Variants in CTSO observed in about 807,000 individuals in gnomAD.
The protein encoded by CTSO is cathepsin O.
In CTSO, 40 loss-of-function variants were observed where a neutral mutation model predicts 42.4. That is an observed-to-expected ratio of 0.94 (90% CI 0.73 to 1.23). The LOEUF (loss-of-function observed/expected upper bound fraction) is 1.23. CTSO is among the 50% of genes most tolerant of loss of function. The probability of loss-of-function intolerance (pLI) is 0.00; values close to 1 mark genes in which losing one functional copy is unlikely to be tolerated. For synonymous variants in CTSO, 156 were observed against 146.2 expected (o/e 1.07, Z -0.48); for missense variants, 441 against 396.0 (o/e 1.11, Z -0.96).
At chr4:155,928,904 C>T (rs957633032) in intron 6 of CTSO, among the ~76,000 whole-genome samples, 5 of 152,140 alleles carry the variant, frequency 3.3e-5, no homozygotes, top group African/African-American at 7.2e-5. Context: ...CCAAATCCGG[C>T]CATAAACTGG....
chr4:155,940,626 TGAG>T (rs981366649), intron 3 of CTSO, among the ~76,000 whole-genome samples: 3 of 152,100 alleles, frequency 2.0e-5, no homozygotes, highest in African/African-American at 7.2e-5. Context: ...AGGCGGATCA[TGAG>T]GTCAGGAGTT....
At chr4:155,951,841 AAC>A (rs1388403305) in intron 1 of CTSO, among the ~76,000 whole-genome samples, 5 of 152,084 alleles carry the variant, frequency 3.3e-5, no homozygotes, top group East Asian at 1.9e-4. Context: ...TAACTAATCT[AAC>A]TAATTCCTGA....
chr4:155,928,500 T>A (rs1743171778), intron 6 of CTSO, 72 bp from the exon 7 acceptor site: 1 of 1,077,966 alleles, frequency 9.3e-7, no homozygotes, highest in African/African-American at 1.6e-5. Flanking sequence ...TTTCTTTATT[T>A]TAAGTTGGAT....
intron 1 of CTSO, among the ~76,000 whole-genome samples, chr4:155,947,926 A>T (rs915739709): frequency 6.6e-6 from 1 of 152,228 alleles, no homozygotes; most frequent in Non-Finnish European, 1.5e-5. Context: ...TAAAGTTTTG[A>T]TGAATACATA....
At chr4:155,950,209 T>C (rs980808852) in intron 1 of CTSO, among the ~76,000 whole-genome samples, 1 of 152,236 alleles carries the variant, frequency 6.6e-6, no homozygotes, top group African/African-American at 2.4e-5. Flanking sequence ...CTTGGGAGAA[T>C]CTATTTCTCC....
At chr4:155,926,320 A>G (rs1225751664) in intron 7 of CTSO, among the ~76,000 whole-genome samples, 1 of 152,230 alleles carries the variant, frequency 6.6e-6, no homozygotes, top group Non-Finnish European at 1.5e-5. Context: ...TTAAAAATCC[A>G]CAACAAAAAC....
rs1743118838 is a variant in CTSO, at chr4:155,925,779, A to G, written c.*257T>C. 2.3e-6 allele frequency: 1 copy of G among 430,566 alleles called. No individual in the cohort carries two copies. The highest frequency in any genetic ancestry group is 4.1e-6 in the Non-Finnish European group (1 of 246,780). 26.7% of individuals were successfully genotyped at this position (430,566 alleles called of 1,614,324 possible). A position where few individuals can be genotyped will look rare whatever the true frequency, so the allele number is the denominator to read the frequency against. On this transcript the variant is annotated 3_prime_UTR_variant, in exon 8 of 8. Transcript: ENST00000433477. The stretch of plus-strand genomic sequence containing the variant: ...GGGGCCTAAAATATCTCCTAATCTG[A>G]ATTTCGTCTCAGGACAGGAAACTAT...
Position 155,942,458 on chromosome 4 carries a change from T to G in CTSO, c.245-2A>C. On this transcript the variant is annotated splice_acceptor_variant, in intron 2 of 7. Coordinates refer to ENST00000433477, the MANE Select transcript of CTSO (RefSeq NM_001334.3). LOFTEE classifies it high-confidence loss of function. ...AAGGTTTGCTTCTTAAATAAATGGC[T>G]GAGTAGAAACATAAAATGAAAATAC... The G allele has an allele frequency of 6.7e-7, 1 of 1,501,334 alleles. No individual in the cohort carries two copies. The highest frequency in any genetic ancestry group is 8.9e-7 in the Non-Finnish European group (1 of 1,123,346). The allele number at this position is 1,501,334 out of a possible 1,614,324, so 93.0% of individuals were successfully genotyped here. A position where few individuals can be genotyped will look rare whatever the true frequency, so the allele number is the denominator to read the frequency against.
intron 3 of CTSO, among the ~76,000 whole-genome samples, chr4:155,940,114 C>T (rs972033831): frequency 6.6e-6 from 1 of 152,276 alleles, no homozygotes; most frequent in South Asian, 2.1e-4. Context: ...AGTGGATGTA[C>T]ATGAAATGTC....
At chr4:155,945,771 A>G (rs981940360) in intron 1 of CTSO, among the ~76,000 whole-genome samples, 12 of 152,220 alleles carry the variant, frequency 7.9e-5, no homozygotes, top group African/African-American at 2.7e-4. Flanking sequence ...TAGCAAATCA[A>G]ATCTAACAAT....
At chr4:155,939,327 C>T (rs748888269) in intron 4 of CTSO, 44 bp downstream of exon 4, 7 of 1,509,354 alleles carry the variant, frequency 4.6e-6, no homozygotes, top group Non-Finnish European at 5.4e-6. Context: ...AGTAAACAAG[C>T]AAAAAAGGAA....
At chr4:155,927,360 A>T (rs1361912550) in intron 7 of CTSO, among the ~76,000 whole-genome samples, 1 of 152,230 alleles carries the variant, frequency 6.6e-6, no homozygotes. Context: ...AGCTTGATTC[A>T]GAAAATATGT....
intron 1 of CTSO, among the ~76,000 whole-genome samples, chr4:155,953,147 C>T (rs989925878): frequency 2.6e-5 from 4 of 151,898 alleles, no homozygotes; most frequent in African/African-American, 9.7e-5. Context: ...ACTCAGTCTC[C>T]GCCAAGGCAG....
intron 3 of CTSO, among the ~76,000 whole-genome samples, chr4:155,940,133 A>G (rs980139873): frequency 1.1e-4 from 17 of 152,240 alleles, no homozygotes; most frequent in Non-Finnish European, 2.4e-4. Context: ...TCCTAAGGAT[A>G]TAAATCCATA....
intron 5 of CTSO, 56 bp from the exon 6 acceptor site, chr4:155,929,761 AATGATCT>A: frequency 1.3e-6 from 2 of 1,500,532 alleles, no homozygotes; most frequent in African/African-American, 2.8e-5. Context: ...TAAAAATAAC[AATGATCT>A]ATATAATCTG....
intron 3 of CTSO, among the ~76,000 whole-genome samples, chr4:155,940,222 C>T (rs559791526): frequency 6.6e-6 from 1 of 150,920 alleles, no homozygotes; most frequent in Non-Finnish European, 1.5e-5. Context: ...CAAACTAGAA[C>T]AAAAGAATAA....
At chr4:155,929,363 G>T (rs6832959) in intron 6 of CTSO, among the ~76,000 whole-genome samples, 179 bp downstream of exon 6, 127,340 of 152,146 alleles carry the variant, frequency 0.84, 56,693 homozygotes, top group Non-Finnish European at 0.98. Flanking sequence ...CTGGGTTAGG[G>T]TCTCCACAAC....
Position 155,940,022 on chromosome 4 carries a change from T to C in CTSO, c.385-484A>G, listed in dbSNP as rs186092719. On this transcript the variant is annotated intron_variant, in intron 3 of 7. Transcript: ENST00000433477. Reference sequence around the variant, plus strand: ...AGGGGAAAGATGCATGTTGTGCTAATTATTTGATGGAGATAAGAGAATTAA... The same window carrying C: ...AGGGGAAAGATGCATGTTGTGCTAACTATTTGATGGAGATAAGAGAATTAA... Among the ~76,000 whole-genome samples, 16 of 152,158 alleles carry C rather than the reference T, an allele frequency of 1.1e-4. No homozygotes were observed. The East Asian group carries it at 1.9e-3, about 18-fold the overall frequency.
rs1303110107 is a variant in CTSO, at chr4:155,929,905, A to G, written c.675-200T>C. ...TATCAGGAACCCAAGCTCTTTCTCT[A>G]TCATTGTCCTGCTATTCAAAGGTTT... On this transcript the variant is annotated intron_variant, in intron 5 of 7. Transcript: ENST00000433477. 2.6e-5 allele frequency among the ~76,000 whole-genome samples: 4 copies of G among 152,142 alleles called. No homozygotes were observed. In the South Asian group the frequency reaches 6.2e-4, roughly 24 times the overall value.
Sources: allele counts gnomAD v4.1 joint callset (sites outside exome capture counted in the v4.1 genomes callset), GRCh38; gene constraint gnomAD v4.1.1; transcripts MANE v1.5; gene names NCBI Gene and HGNC (gene_info 2026-07-23, HGNC 2026-07-21).